SLC45A4: variants seen among roughly 807,000 people sequenced by gnomAD.
SLC45A4 encodes solute carrier family 45 member 4, also known as polyamine-transporter SLC45A4.
SLC45A4 carries 32 observed loss-of-function variants against 63.7 expected under a neutral mutation model. The ratio of observed to expected loss-of-function variants is 0.50; its 90% CI spans 0.38 to 0.67. SLC45A4 has a LOEUF of 0.67. Among genes scored for constraint, SLC45A4 ranks in the 30% least tolerant of loss-of-function variants. SLC45A4 has a pLI of 0.00. For missense variants in SLC45A4, 1,027 were observed against 1,157.7 expected, an observed-to-expected ratio of 0.89 and a Z score of 1.64; for synonymous variants, 535 against 510.0, an observed-to-expected ratio of 1.05 and a Z score of -0.66.
At chr8:141,266,666 C>G (rs545182416) in intron 1 of SLC45A4, among the ~76,000 whole-genome samples, 1 of 152,336 alleles carries the variant, frequency 6.6e-6, no homozygotes, top group African/African-American at 2.4e-5. Context: ...AAAGACATAT[C>G]TGATAAAAGA....
chr8:141,263,769 C>CAA (rs67335309), intron 1 of SLC45A4, among the ~76,000 whole-genome samples: 26,242 of 88,664 alleles, frequency 0.3, 3,051 homozygotes, highest in Middle Eastern at 0.39. Flanking sequence ...GACTCCGTCT[C>CAA]AAAAAAAAAA....
rs763678744 is a variant in SLC45A4 at position 141,254,110 on chromosome 8, G to A, written c.120C>T (p.Ser40=). Residue 40 remains serine, a synonymous_variant, in exon 2 of 9, where the codon AGC becomes AGT. Coordinates refer to ENST00000517878, the MANE Select transcript of SLC45A4 (RefSeq NM_001286646.2). The surrounding 1 kb of genome is among the most constrained non-coding windows in gnomAD (Gnocchi z 4.5). ...GAEAENCETI[S]EGSIDRIPMR... Reference sequence around the variant, plus strand: ...TGGGGATTCGGTCTATGGACCCCTCGCTGATGGTCTCGCAGTTCTCGGCCT... The same window carrying A: ...TGGGGATTCGGTCTATGGACCCCTCACTGATGGTCTCGCAGTTCTCGGCCT... The A allele has an allele frequency of 1.8e-5, 27 of 1,536,052 alleles. No individual in the cohort carries two copies. The highest frequency in any genetic ancestry group is 8.3e-5 in the South Asian group (7 of 84,070).
At chr8:141,262,321 T>A (rs1829070168) in intron 1 of SLC45A4, among the ~76,000 whole-genome samples, 14 of 147,928 alleles carry the variant, frequency 9.5e-5, no homozygotes, top group Non-Finnish European at 1.7e-4. Flanking sequence ...GGACTTCATG[T>A]CTAAAACACC....
chr8:141,260,780 G>A (rs1423349213), intron 1 of SLC45A4, among the ~76,000 whole-genome samples: 1 of 152,082 alleles, frequency 6.6e-6, no homozygotes, highest in South Asian at 2.1e-4. Flanking sequence ...ATTCACAACC[G>A]AATTCTACCA....
In SLC45A4 at chr8:141,211,515, G is replaced by A. The variant is rs1469268672; in HGVS notation, c.*57C>T. 1 of 1,612,210 alleles carries A rather than the reference G, an allele frequency of 6.2e-7. No individual in the cohort carries two copies. Among genetic ancestry groups the A allele is most frequent in the Non-Finnish European group, 8.5e-7 (1 of 1,179,610 alleles). On this transcript the variant is annotated 3_prime_UTR_variant, in exon 9 of 9. Coordinates refer to ENST00000517878, the MANE Select transcript of SLC45A4 (RefSeq NM_001286646.2). ...GTGTGCGGTCGCTGCCCAAGGACAG[G>A]GCTGCCCTGGGCACAATGTGTCCAA...
chr8:141,214,569 T>A (rs1826023872), intron 7 of SLC45A4, among the ~76,000 whole-genome samples: 1 of 152,218 alleles, frequency 6.6e-6, no homozygotes, highest in Admixed American at 6.5e-5. Flanking sequence ...GTTTTTAATT[T>A]TAAAAGCCCA....
intron 1 of SLC45A4, among the ~76,000 whole-genome samples, chr8:141,293,567 T>TA (rs1335915100): frequency 6.6e-6 from 1 of 152,230 alleles, no homozygotes; most frequent in Non-Finnish European, 1.5e-5. Flanking sequence ...GAGCTTAGCT[T>TA]AGAGTGTTGG....
chr8:141,262,224 G>A (rs1362005959), intron 1 of SLC45A4, among the ~76,000 whole-genome samples: 3 of 150,784 alleles, frequency 2.0e-5, no homozygotes, highest in Admixed American at 6.6e-5. Flanking sequence ...ATTCAAGATG[G>A]ATTAAAGACT....
chr8:141,281,094 T>G (rs1012117565), intron 1 of SLC45A4, among the ~76,000 whole-genome samples: 1 of 152,114 alleles, frequency 6.6e-6, no homozygotes, highest in African/African-American at 2.4e-5. Flanking sequence ...ATCCCAGCAC[T>G]TTGGGAGGCT....
At position 141,284,961 on chromosome 8, in the gene SLC45A4, G is replaced by A. The variant is rs187207339; in HGVS notation, c.-401+23135C>T. On this transcript the variant is annotated intron_variant, in intron 1 of 8. Coordinates refer to ENST00000517878, the MANE Select transcript of SLC45A4 (RefSeq NM_001286646.2). ...GGCATGCAGAGCCGCCCCACACCCC[G>A]ACTCCCTGGGGCCTCGGCCCCCCAG... Among the ~76,000 whole-genome samples the A allele has an allele frequency of 5.3e-3, 810 of 151,586 alleles. 5 individuals are homozygous for A. Among genetic ancestry groups the A allele is most frequent in the African/African-American group, 0.018 (744 of 41,348 alleles).
chr8:141,210,217 G>T lies in SLC45A4; in HGVS notation c.*1355C>A, dbSNP rs1238504201. 2 of 152,332 alleles carry T rather than the reference G, an allele frequency of 1.3e-5. No individual in the cohort carries two copies. The highest frequency in any genetic ancestry group is 4.8e-5 in the African/African-American group (2 of 41,470). 9.4% of individuals were successfully genotyped at this position (152,332 alleles called of 1,614,324 possible). On this transcript the variant is annotated 3_prime_UTR_variant, in exon 9 of 9. Coordinates refer to ENST00000517878, the MANE Select transcript of SLC45A4 (RefSeq NM_001286646.2). ...GCTAGAGGATCAAGTTGCATAGAGTGAGCTGCCACGGACGCCCGGCCGAGG... is the reference window on the plus strand; with the variant it reads ...GCTAGAGGATCAAGTTGCATAGAGTTAGCTGCCACGGACGCCCGGCCGAGG...
intron 1 of SLC45A4, among the ~76,000 whole-genome samples, chr8:141,303,786 C>A (rs1459446437): frequency 2.6e-5 from 4 of 152,228 alleles, no homozygotes; most frequent in African/African-American, 9.7e-5. Context: ...CCTCTCACTG[C>A]CAGCAAAATC....
At chr8:141,270,446 G>T (rs960585111) in intron 1 of SLC45A4, among the ~76,000 whole-genome samples, 1 of 151,872 alleles carries the variant, frequency 6.6e-6, no homozygotes, top group Non-Finnish European at 1.5e-5. Flanking sequence ...GGCTGAGGCG[G>T]GAGAATCGCC....
At position 141,208,692 on chromosome 8, in the gene SLC45A4, G is replaced by A. The variant is rs992350840; in HGVS notation, c.*2880C>T. 7 of 152,298 alleles carry A rather than the reference G, an allele frequency of 4.6e-5. No homozygotes were observed. The highest frequency in any genetic ancestry group is 1.0e-4 in the Non-Finnish European group (7 of 68,080). 9.4% of individuals were successfully genotyped at this position (152,298 alleles called of 1,614,324 possible). A position where few individuals can be genotyped will look rare whatever the true frequency, so the allele number is the denominator to read the frequency against. On this transcript the variant is annotated 3_prime_UTR_variant, in exon 9 of 9. Coordinates refer to ENST00000517878, the MANE Select transcript of SLC45A4 (RefSeq NM_001286646.2). ...TCCAAAGCTAGCTCTTCAGCCACCA[G>A]GGAACGTCATGATGCCAGTCTGCCG...
At chr8:141,270,786 C>A (rs534307708) in intron 1 of SLC45A4, among the ~76,000 whole-genome samples, 2 of 152,122 alleles carry the variant, frequency 1.3e-5, no homozygotes, top group Admixed American at 1.3e-4. Flanking sequence ...CCAAAGGGCC[C>A]TTCCCCCAGC....
At position 141,221,687 on chromosome 8, in the gene SLC45A4, G is replaced by A; in HGVS notation, c.320C>T (p.Ser107Phe). ...LGLIFTPLIG[S>F]ASDRCTLSWG... ...GCTCAGGGTGCACCGGTCACTCGCA[G>A]ACCCAATGAGAGGTGTGAAGATGAG... The change falls in exon 3 of 9, where the codon TCT (serine) becomes TTT (phenylalanine). Residue 107 changes from serine to phenylalanine, a missense_variant. Coordinates refer to ENST00000517878, the MANE Select transcript of SLC45A4 (RefSeq NM_001286646.2). The A allele has an allele frequency of 6.2e-7, 1 of 1,614,116 alleles. No individual in the cohort carries two copies. Among genetic ancestry groups the A allele is most frequent in the Non-Finnish European group, 8.5e-7 (1 of 1,180,046 alleles).
chr8:141,301,443 T>C (rs1320329958), intron 1 of SLC45A4, among the ~76,000 whole-genome samples: 2 of 152,042 alleles, frequency 1.3e-5, no homozygotes, highest in Non-Finnish European at 2.9e-5. Flanking sequence ...CACAGAGAAG[T>C]ATGGAGAACA....
At chr8:141,240,559 C>T (rs537771152) in intron 2 of SLC45A4, among the ~76,000 whole-genome samples, 2 of 152,168 alleles carry the variant, frequency 1.3e-5, no homozygotes, top group Non-Finnish European at 2.9e-5. Context: ...AGCCTGGTTC[C>T]ACAACACGCT....
intron 1 of SLC45A4, among the ~76,000 whole-genome samples, chr8:141,266,384 G>A (rs1829268105): frequency 6.6e-6 from 1 of 152,102 alleles, no homozygotes; most frequent in South Asian, 2.1e-4. Context: ...CATGAGTAGG[G>A]GCACCCACAG....
Sources: gnomAD v4.1 joint callset for allele counts (sites outside exome capture counted in the v4.1 genomes callset) on GRCh38, gnomAD v4.1.1 for gene constraint, Gnocchi (gnomAD v3.1) non-coding constraint, MANE v1.5 for transcripts, NCBI Gene and HGNC (gene_info 2026-07-23, HGNC 2026-07-21) for gene names.